ZCCHC7: variants seen among roughly 807,000 people sequenced by gnomAD.
ZCCHC7 encodes zinc finger CCHC-type containing 7.
ZCCHC7 carries 35 observed loss-of-function variants against 52.0 expected under a neutral mutation model. The ratio of observed to expected loss-of-function variants is 0.67; its 90% CI spans 0.51 to 0.89. ZCCHC7 has a LOEUF of 0.89. Among genes scored for constraint, ZCCHC7 ranks in the 40% least tolerant of loss-of-function variants. ZCCHC7 has a pLI of 0.00. For synonymous variants in ZCCHC7, 217 were observed against 221.5 expected (o/e 0.98, Z 0.18); for missense variants, 574 against 649.1 (o/e 0.88, Z 1.26).
At chr9:37,330,417 A>G (rs1381614848) in intron 6 of ZCCHC7, among the ~76,000 whole-genome samples, 1 of 151,752 alleles carries the variant, frequency 6.6e-6, no homozygotes, top group African/African-American at 2.4e-5. Flanking sequence ...TCATGCTAAT[A>G]AAACTAAAAA....
intron 2 of ZCCHC7, among the ~76,000 whole-genome samples, chr9:37,128,748 A>C (rs763671684): frequency 1.3e-5 from 2 of 152,222 alleles, no homozygotes; most frequent in Non-Finnish European, 2.9e-5. Context: ...ATTGTTTAGA[A>C]GTAGTATTCA....
At position 37,357,508 on chromosome 9, in the gene ZCCHC7, A is replaced by G. The variant is rs1162539658; in HGVS notation, c.*240A>G. The G allele has an allele frequency of 9.9e-6, 3 of 302,268 alleles. No individual in the cohort carries two copies. Among genetic ancestry groups the G allele is most frequent in the African/African-American group, 2.2e-5 (1 of 46,390 alleles). The allele number at this position is 302,268 out of a possible 1,614,324, so 18.7% of individuals were successfully genotyped here. On this transcript the variant is annotated 3_prime_UTR_variant, in exon 9 of 9. Coordinates refer to ENST00000336755, the MANE Select transcript of ZCCHC7 (RefSeq NM_032226.3). Reference sequence around the variant, plus strand: ...TGGACTTCTCCTATTCCAATATGTCATCTTTACTCAGAATCCTAGGGATAG... The same window carrying G: ...TGGACTTCTCCTATTCCAATATGTCGTCTTTACTCAGAATCCTAGGGATAG...
At chr9:37,272,276 A>G (rs1437278643) in intron 2 of ZCCHC7, among the ~76,000 whole-genome samples, 2 of 152,142 alleles carry the variant, frequency 1.3e-5, no homozygotes, top group African/African-American at 2.4e-5. Flanking sequence ...CTTTTTGTGT[A>G]GCCAATAAAT....
chr9:37,301,265 A>G (rs1829019335), intron 2 of ZCCHC7, among the ~76,000 whole-genome samples: 1 of 152,168 alleles, frequency 6.6e-6, no homozygotes, highest in African/African-American at 2.4e-5. Flanking sequence ...AGGAGCACTC[A>G]ATATCAGTAA....
At chr9:37,254,693 G>A (rs10758428) in intron 2 of ZCCHC7, among the ~76,000 whole-genome samples, 42,351 of 151,798 alleles carry the variant, frequency 0.28, 7,148 homozygotes, top group Admixed American at 0.41. Flanking sequence ...AAGTACATAC[G>A]AGTTGAGTAT....
At chr9:37,332,438 TA>T (rs1830485632) in intron 6 of ZCCHC7, among the ~76,000 whole-genome samples, 1 of 151,564 alleles carries the variant, frequency 6.6e-6, no homozygotes, top group Non-Finnish European at 1.5e-5. Flanking sequence ...GGAGAATGAC[TA>T]AAATTTTTAA....
chr9:37,244,830 A>G (rs1826017029), intron 2 of ZCCHC7, among the ~76,000 whole-genome samples: 2 of 151,912 alleles, frequency 1.3e-5, no homozygotes, highest in Admixed American at 1.3e-4. Context: ...TCAGTAGTGA[A>G]GAATGGTGGA....
At chr9:37,301,609 C>T (rs1352393333) in intron 2 of ZCCHC7, among the ~76,000 whole-genome samples, 6 of 151,950 alleles carry the variant, frequency 3.9e-5, no homozygotes, top group Admixed American at 3.9e-4. Context: ...CCAAAAAAAA[C>T]AAGAAGTAAG....
intron 5 of ZCCHC7, among the ~76,000 whole-genome samples, chr9:37,325,098 T>G (rs1830189092): frequency 6.6e-6 from 1 of 152,238 alleles, no homozygotes. Context: ...ACTGTGTTGA[T>G]TCATCTTTGA....
At chr9:37,349,536 C>G (rs954954163) in intron 7 of ZCCHC7, 84 bp downstream of exon 7, 2 of 1,279,448 alleles carry the variant, frequency 1.6e-6, no homozygotes, top group Non-Finnish European at 2.2e-6. Context: ...GAATGTAACT[C>G]TAAATACTTA....
At chr9:37,340,285 T>A (rs776970529) in intron 6 of ZCCHC7, among the ~76,000 whole-genome samples, 5 of 152,026 alleles carry the variant, frequency 3.3e-5, no homozygotes, top group Non-Finnish European at 5.9e-5. Flanking sequence ...TCAGCAAGAA[T>A]AGCAGATGGG....
In ZCCHC7 at chr9:37,126,685, GTCTT is replaced by G; in HGVS notation, c.358_361del (p.Ser120LeufsTer28). 13 of 1,614,042 alleles carry G rather than the reference GTCTT, an allele frequency of 8.1e-6. No homozygotes were observed. Among genetic ancestry groups the G allele is most frequent in the Non-Finnish European group, 1.1e-5 (13 of 1,180,026 alleles). On this transcript the variant is annotated frameshift_variant, in exon 2 of 9. Coordinates refer to ENST00000336755, the MANE Select transcript of ZCCHC7 (RefSeq NM_032226.3). LOFTEE classifies it high-confidence loss of function. The stretch of plus-strand genomic sequence containing the variant: ...GTTCAAGCACAAGAAAATGCCCATG[GTCTT>G]TCTTCTTCTCTTCAATCTAATGAGC...
Position 37,280,460 on chromosome 9 carries a change from A to G in ZCCHC7, c.611-21728A>G, listed in dbSNP as rs143927680. 1.8e-3 allele frequency among the ~76,000 whole-genome samples: 278 copies of G among 152,332 alleles called. 3 individuals carry two copies. In the South Asian group the frequency reaches 0.019, roughly 11 times the overall value. ...ATGCATTCTTTTCCAGTATACATTC[A>G]GCAAGATAGACCATATATATGGTGG... On this transcript the variant is annotated intron_variant, in intron 2 of 8. Transcript: ENST00000336755.
chr9:37,282,783 G>A (rs1828026164), intron 2 of ZCCHC7, among the ~76,000 whole-genome samples: 1 of 147,912 alleles, frequency 6.8e-6, no homozygotes, highest in African/African-American at 2.5e-5. Flanking sequence ...AGTGAGCCAT[G>A]TTTTTGCCAC....
At chr9:37,316,719 TC>T (rs1334229811) in intron 5 of ZCCHC7, among the ~76,000 whole-genome samples, 3 of 152,038 alleles carry the variant, frequency 2.0e-5, no homozygotes, top group Admixed American at 2.0e-4. Flanking sequence ...TCTTCACAGG[TC>T]TCTGTAATTG....
At chr9:37,126,206 G>T in intron 1 of ZCCHC7, 106 bp from the exon 2 acceptor site, 1 of 1,106,668 alleles carries the variant, frequency 9.0e-7, no homozygotes, top group South Asian at 1.6e-5. Context: ...TGAGAATAGT[G>T]ATGGCCTTCA....
intron 2 of ZCCHC7, among the ~76,000 whole-genome samples, chr9:37,219,518 TA>T (rs1451939113): frequency 1.3e-5 from 2 of 152,244 alleles, no homozygotes; most frequent in African/African-American, 4.8e-5. Flanking sequence ...AATGCATTAT[TA>T]AGGATTAATC....
intron 2 of ZCCHC7, among the ~76,000 whole-genome samples, chr9:37,178,332 A>G (rs976503175): frequency 6.6e-6 from 1 of 150,986 alleles, no homozygotes. Context: ...AACACATCCC[A>G]GCGTCACATA....
chr9:37,190,249 G>A (rs1041774829), intron 2 of ZCCHC7, among the ~76,000 whole-genome samples: 1 of 151,874 alleles, frequency 6.6e-6, no homozygotes, highest in Non-Finnish European at 1.5e-5. Flanking sequence ...CCACCATCTT[G>A]TTTGCTCAGG....
Sources: allele counts gnomAD v4.1 joint callset (sites outside exome capture counted in the v4.1 genomes callset), GRCh38; gene constraint gnomAD v4.1.1; transcripts MANE v1.5; gene names NCBI Gene and HGNC (gene_info 2026-07-23, HGNC 2026-07-21).